PLEKHG7: variants seen among roughly 807,000 people sequenced by gnomAD.
PLEKHG7 encodes pleckstrin homology domain-containing family G member 7.
In PLEKHG7, 77 loss-of-function variants were observed where a neutral mutation model predicts 85.2. That is an observed-to-expected ratio of 0.90 (90% CI 0.75 to 1.09). The LOEUF (loss-of-function observed/expected upper bound fraction) is 1.09, where lower values mean the gene tolerates loss of function less well. Ranked by LOEUF, PLEKHG7 falls within the 50% of genes least tolerant of loss-of-function variation. The pLI is 0.00. For synonymous variants in PLEKHG7, 301 were observed against 302.4 expected, an observed-to-expected ratio of 1.00 and a Z score of 0.05; for missense variants, 777 against 804.3, an observed-to-expected ratio of 0.97 and a Z score of 0.41.
chr12:92,716,149 T>C (rs1871486932), intron 3 of PLEKHG7, among the ~76,000 whole-genome samples: 1 of 152,160 alleles, frequency 6.6e-6, no homozygotes, highest in African/African-American at 2.4e-5. Flanking sequence ...CAGGCTGGAG[T>C]GCATTGGTAC....
At chr12:92,715,659 G>C (rs769111618) in intron 3 of PLEKHG7, among the ~76,000 whole-genome samples, 5 of 137,080 alleles carry the variant, frequency 3.6e-5, no homozygotes, top group Non-Finnish European at 7.6e-5. Context: ...GTTAGGTGAA[G>C]AGTGAAGAGC....
rs544053758 is a variant in PLEKHG7 at position 92,727,038 on chromosome 12, C to T, written c.531-1955C>T. On this transcript the variant is annotated intron_variant, in intron 3 of 16. Transcript: ENST00000344636. ...GGGTGCATTTGCGTTGACATGTCTA[C>T]GTGAGCTCTTCTGCTTTGGATTAGT... Among the ~76,000 whole-genome samples, 148 of 152,224 alleles carry T rather than the reference C, an allele frequency of 9.7e-4. 1 individual carries two copies. Among genetic ancestry groups the T allele is most frequent in the African/African-American group, 3.3e-3 (137 of 41,520 alleles).
chr12:92,730,575 G>A (rs888153540), intron 4 of PLEKHG7, among the ~76,000 whole-genome samples: 9 of 152,114 alleles, frequency 5.9e-5, no homozygotes, highest in South Asian at 2.1e-4. Flanking sequence ...CCACCACCAC[G>A]CCTGGCTAAT....
In PLEKHG7 at chr12:92,707,646, T is replaced by G. The variant is rs749731988; in HGVS notation, c.508-4T>G. Reference sequence around the variant, plus strand: ...AAAACATATGTTCTTAAAATTTATTTCAGGGAGAAGAATTGCACCCATCCA... The same window carrying G: ...AAAACATATGTTCTTAAAATTTATTGCAGGGAGAAGAATTGCACCCATCCA... On this transcript the variant is annotated splice_polypyrimidine_tract_variant and splice_region_variant and intron_variant, in intron 2 of 16. Transcript: ENST00000344636. The G allele has an allele frequency of 1.2e-6, 2 of 1,613,572 alleles. No homozygotes were observed. Among genetic ancestry groups the G allele is most frequent in the South Asian group, 2.2e-5 (2 of 90,866 alleles).
At chr12:92,709,271 C>A (rs1871323264) in intron 3 of PLEKHG7, among the ~76,000 whole-genome samples, 1 of 152,156 alleles carries the variant, frequency 6.6e-6, no homozygotes, top group African/African-American at 2.4e-5. Context: ...GATACAATCC[C>A]CCAGACTTTG....
intron 7 of PLEKHG7, among the ~76,000 whole-genome samples, chr12:92,738,948 A>T (rs1872265676): frequency 6.6e-6 from 1 of 152,236 alleles, no homozygotes; most frequent in African/African-American, 2.4e-5. Context: ...CACGTAATAG[A>T]AAACTAGCTT....
chr12:92,733,484 G>A (rs991036858), intron 5 of PLEKHG7, among the ~76,000 whole-genome samples: 1 of 152,176 alleles, frequency 6.6e-6, no homozygotes, highest in African/African-American at 2.4e-5. Context: ...ATCTTAAATT[G>A]TTAGTAAAAT....
Position 92,758,691 on chromosome 12 carries a change from A to T in PLEKHG7, c.1636+2300A>T, listed in dbSNP as rs59574123. Among the ~76,000 whole-genome samples the T allele has an allele frequency of 3.3e-3, 496 of 152,356 alleles. 8 individuals are homozygous for T. The highest frequency in any genetic ancestry group is 0.011 in the African/African-American group (464 of 41,584). On this transcript the variant is annotated intron_variant, in intron 13 of 16. Transcript: ENST00000344636. Reference sequence around the variant, plus strand: ...TGGACATGAACTACATAATGTCACTAACACCAGGCACTTGTTTAATGGCAT... The same window carrying T: ...TGGACATGAACTACATAATGTCACTTACACCAGGCACTTGTTTAATGGCAT...
intron 10 of PLEKHG7, among the ~76,000 whole-genome samples, chr12:92,748,803 A>T (rs1040363160): frequency 2.6e-5 from 4 of 152,200 alleles, no homozygotes; most frequent in Admixed American, 6.5e-5. Flanking sequence ...ACCCATCACC[A>T]TGGAACTATT....
At chr12:92,733,209 C>G (rs1272820074) in intron 5 of PLEKHG7, among the ~76,000 whole-genome samples, 1 of 152,168 alleles carries the variant, frequency 6.6e-6, no homozygotes, top group African/African-American at 2.4e-5. Context: ...TCCCTCAACT[C>G]AGATCTTCCC....
At chr12:92,725,472 A>C (rs1488068440) in intron 3 of PLEKHG7, among the ~76,000 whole-genome samples, 3 of 152,190 alleles carry the variant, frequency 2.0e-5, no homozygotes, top group Non-Finnish European at 2.9e-5. Context: ...AGGAGGGCGG[A>C]GAAACAAGGT....
At position 92,768,851 on chromosome 12, in the gene PLEKHG7, G is replaced by A. The variant is rs1241116430; in HGVS notation, c.1871-132G>A. On this transcript the variant is annotated intron_variant, in intron 15 of 16. Transcript: ENST00000344636. Reference sequence around the variant, plus strand: ...AAATTTAAAAAAAAATTATAAGCTAGATAAACCTCCCACCCTCGTTAAAAC... The same window carrying A: ...AAATTTAAAAAAAAATTATAAGCTAAATAAACCTCCCACCCTCGTTAAAAC... 6.8e-6 allele frequency: 4 copies of A among 585,620 alleles called. No homozygotes were observed. In the East Asian group the frequency reaches 1.2e-4, roughly 18 times the overall value. 36.3% of individuals were successfully genotyped at this position (585,620 alleles called of 1,614,324 possible). A position where few individuals can be genotyped will look rare whatever the true frequency, so the allele number is the denominator to read the frequency against.
In PLEKHG7 at chr12:92,748,421, T is replaced by C. The variant is rs181744279; in HGVS notation, c.1251+2830T>C. Among the ~76,000 whole-genome samples the C allele has an allele frequency of 6.6e-5, 10 of 152,252 alleles. No individual in the cohort carries two copies. In the East Asian group the frequency reaches 1.9e-3, roughly 29 times the overall value. On this transcript the variant is annotated intron_variant, in intron 10 of 16. Coordinates refer to ENST00000344636, the MANE Select transcript of PLEKHG7 (RefSeq NM_001377329.1). Reference sequence around the variant, plus strand: ...GCCACCGTGCCTGGCAAATTTTTTATATTTTCGGTAGAGACGGGGCTTCAC... The same window carrying C: ...GCCACCGTGCCTGGCAAATTTTTTACATTTTCGGTAGAGACGGGGCTTCAC...
chr12:92,762,002 GTAAATAAA>G (rs61049024), intron 14 of PLEKHG7, among the ~76,000 whole-genome samples, 171 bp downstream of exon 14: 3 of 151,726 alleles, frequency 2.0e-5, no homozygotes, highest in Admixed American at 6.6e-5. Flanking sequence ...AAGCTCTGAA[GTAAATAAA>G]TAAATAAATA....
chr12:92,768,017 C>T (rs1395076321), intron 15 of PLEKHG7, among the ~76,000 whole-genome samples: 16 of 151,938 alleles, frequency 1.1e-4, no homozygotes, highest in Admixed American at 1.0e-3. Flanking sequence ...CCAGCCTGGC[C>T]AACAAAGTGA....
chr12:92,737,304 G>T, intron 6 of PLEKHG7, 74 bp from the exon 7 acceptor site: 1 of 1,251,178 alleles, frequency 8.0e-7, no homozygotes, highest in East Asian at 3.0e-5. Flanking sequence ...GGAACTGCAA[G>T]CCAAAGCAAA....
rs1872356640 is a variant in PLEKHG7 at position 92,741,549 on chromosome 12, C to G, written c.1094C>G (p.Ser365Cys). ...FGIIKDYVDA[S>C]EISSSLDFIS... ...ATCATCAAGGACTATGTAGACGCTT[C>G]TGAGATTTCCTCATCACTGGATTTT... Residue 365 changes from serine to cysteine, a missense_variant, in exon 9 of 17, where the codon TCT becomes TGT. Physicochemically the swap from Ser to Cys is moderately radical, Grantham distance 112 (BLOSUM62 -1). This residue lies in a region of PLEKHG7 where 520 missense variants were observed against 544.0 expected (regional missense o/e 0.96). Transcript: ENST00000344636. The G allele has an allele frequency of 1.9e-6, 3 of 1,613,468 alleles. No homozygotes were observed. Among genetic ancestry groups the G allele is most frequent in the Non-Finnish European group, 2.5e-6 (3 of 1,179,744 alleles).
At chr12:92,727,807 T>C (rs1308193785) in intron 3 of PLEKHG7, among the ~76,000 whole-genome samples, 2 of 151,840 alleles carry the variant, frequency 1.3e-5, no homozygotes, top group African/African-American at 4.8e-5. Context: ...GTCAGGCTAG[T>C]CTCGAACTCC....
chr12:92,758,840 G>A (rs1170114528), intron 13 of PLEKHG7, among the ~76,000 whole-genome samples: 2 of 152,206 alleles, frequency 1.3e-5, no homozygotes, highest in Non-Finnish European at 2.9e-5. Context: ...TGATGGGGCA[G>A]GGTGATAGTG....
Sources: allele counts gnomAD v4.1 joint callset (sites outside exome capture counted in the v4.1 genomes callset), GRCh38; gene constraint gnomAD v4.1.1; regional missense constraint gnomAD v4.1.1; transcripts MANE v1.5; gene names NCBI Gene and HGNC (gene_info 2026-07-23, HGNC 2026-07-21).